THRAP3: variants seen among roughly 807,000 people sequenced by gnomAD.
THRAP3 encodes thyroid hormone receptor associated protein 3.
THRAP3 carries 16 observed loss-of-function variants against 101.0 expected under a neutral mutation model. That is an observed-to-expected ratio of 0.16 (90% confidence interval 0.11 to 0.24). THRAP3 has a LOEUF of 0.24. THRAP3 is among the 10% of genes least tolerant of loss of function. The probability of loss-of-function intolerance (pLI) is 1.00; values close to 1 mark genes in which losing one functional copy is unlikely to be tolerated. For synonymous variants in THRAP3, 407 were observed against 422.6 expected (o/e 0.96, Z 0.45); for missense variants, 989 against 1,202.7 (o/e 0.82, Z 2.63).
the THRAP3 span, among the ~76,000 whole-genome samples, chr1:36,210,032 A>G: frequency 2.0e-5 from 3 of 152,288 alleles, no homozygotes; most frequent in African/African-American, 4.8e-5. Flanking sequence ...TGGTCCATAC[A>G]CTGGTTTTTT....
chr1:36,253,570 A>G (rs1241453937), intron 1 of THRAP3, among the ~76,000 whole-genome samples: 1 of 152,044 alleles, frequency 6.6e-6, no homozygotes, highest in Non-Finnish European at 1.5e-5. Context: ...TGTGTTTCCC[A>G]TAGAAGTGCT....
Position 36,296,746 on chromosome 1 carries a change from C to T in THRAP3, c.2279C>T (p.Thr760Ile). The change falls in exon 9 of 12, where the codon ACT (threonine) becomes ATT (isoleucine). Residue 760 changes from threonine (T) to isoleucine (I), a missense_variant. Coordinates refer to ENST00000354618, the MANE Select transcript of THRAP3 (RefSeq NM_005119.4). ...RERSAEKTEK[T>I]HKGSKKQKKH... ...AGGTCAGCTGAAAAAACAGAGAAAA[C>T]TCATAAAGGATCAAAGAAACAGAAG... 2 of 1,595,682 alleles carry T rather than the reference C, an allele frequency of 1.3e-6. No homozygotes were observed. The highest frequency in any genetic ancestry group is 2.2e-5 in the East Asian group (1 of 44,676).
intron 1 of THRAP3, among the ~76,000 whole-genome samples, chr1:36,241,136 G>A (rs1470823259): frequency 6.6e-6 from 1 of 151,272 alleles, no homozygotes; most frequent in Non-Finnish European, 1.5e-5. Context: ...GAACCCAGGA[G>A]GCGGAGCTTG....
At chr1:36,292,766 A>G in intron 7 of THRAP3, 57 bp downstream of exon 7, 1 of 1,325,364 alleles carries the variant, frequency 7.5e-7, no homozygotes, top group Non-Finnish European at 1.1e-6. Flanking sequence ...ATCAGACATT[A>G]AACTCACCTT....
At chr1:36,297,859 A>G (rs1391515054) in intron 9 of THRAP3, among the ~76,000 whole-genome samples, 1 of 151,084 alleles carries the variant, frequency 6.6e-6, no homozygotes, top group Non-Finnish European at 1.5e-5. Context: ...TACGATCACA[A>G]GTATTGGCCG....
At chr1:36,231,147 A>C (rs1459048288) in intron 1 of THRAP3, among the ~76,000 whole-genome samples, 1 of 151,704 alleles carries the variant, frequency 6.6e-6, no homozygotes, top group African/African-American at 2.4e-5. Context: ...TTACATTATC[A>C]TTGACCTTTT....
chr1:36,212,418 CT>C, the THRAP3 span, among the ~76,000 whole-genome samples: 5,844 of 121,964 alleles, frequency 0.048, 98 homozygotes, highest in Middle Eastern at 0.13. Flanking sequence ...TTCTTTCTTT[CT>C]TTTTTTTTTT....
At chr1:36,260,313 T>A (rs1344187955) in intron 2 of THRAP3, among the ~76,000 whole-genome samples, 1 of 152,054 alleles carries the variant, frequency 6.6e-6, no homozygotes, top group Non-Finnish European at 1.5e-5. Flanking sequence ...GACCATCAGC[T>A]CCCTAGGGCT....
intron 2 of THRAP3, among the ~76,000 whole-genome samples, chr1:36,281,538 A>G (rs1570320015): frequency 6.8e-6 from 1 of 147,542 alleles, no homozygotes; most frequent in Non-Finnish European, 1.5e-5. Flanking sequence ...ATTCCTTTTG[A>G]TGAAAGAGCA....
intron 2 of THRAP3, among the ~76,000 whole-genome samples, chr1:36,267,163 C>T (rs758301037): frequency 3.9e-5 from 6 of 152,082 alleles, no homozygotes; most frequent in African/African-American, 1.4e-4. Context: ...GTATTACAGG[C>T]GTGAGCCACC....
chr1:36,224,026 G>A (rs535100237), upstream of THRAP3, among the ~76,000 whole-genome samples: 2 of 152,286 alleles, frequency 1.3e-5, no homozygotes, highest in East Asian at 3.9e-4. Flanking sequence ...AAAGCGGAAG[G>A]GAGCGCAGCA....
At position 36,305,101 on chromosome 1, in the gene THRAP3, C is replaced by T. The variant is rs1324138823; in HGVS notation, c.*1084C>T. On this transcript the variant is annotated 3_prime_UTR_variant, in exon 12 of 12. Transcript: ENST00000354618. ...CATCCTCTTAAAATGGGTCCTTGTGCTTGCCTTCTGGGGAGGCGGTCCTGA... is the reference window on the plus strand; with the variant it reads ...CATCCTCTTAAAATGGGTCCTTGTGTTTGCCTTCTGGGGAGGCGGTCCTGA... The T allele has an allele frequency of 4.7e-6, 1 of 211,814 alleles. No homozygotes were observed. Among genetic ancestry groups the T allele is most frequent in the Non-Finnish European group, 9.6e-6 (1 of 104,666 alleles). The allele number at this position is 211,814 out of a possible 1,614,324, so 13.1% of individuals were successfully genotyped here.
chr1:36,220,972 A>AAAAAATATAT (rs1285765741), upstream of THRAP3, among the ~76,000 whole-genome samples: 1 of 94,144 alleles, frequency 1.1e-5, no homozygotes, highest in African/African-American at 4.7e-5. Flanking sequence ...AAAAAAAAAA[A>AAAAAATATAT]ATATATATAT....
intron 1 of THRAP3, among the ~76,000 whole-genome samples, chr1:36,251,518 C>T (rs1389731345): frequency 6.6e-6 from 1 of 152,184 alleles, no homozygotes; most frequent in African/African-American, 2.4e-5. Context: ...ACTCATTCAA[C>T]CTGGAATTAG....
intron 1 of THRAP3, among the ~76,000 whole-genome samples, chr1:36,253,734 C>G (rs1195988831): frequency 7.3e-6 from 1 of 137,628 alleles, no homozygotes; most frequent in Non-Finnish European, 1.6e-5. Flanking sequence ...GCTGGGACCA[C>G]AGGCGTACAC....
At chr1:36,245,493 C>T (rs1645220313) in intron 1 of THRAP3, among the ~76,000 whole-genome samples, 1 of 152,082 alleles carries the variant, frequency 6.6e-6, no homozygotes. Flanking sequence ...TACAGGTAAA[C>T]AAACTCCTTA....
chr1:36,252,496 C>T (rs1645314997), intron 1 of THRAP3, among the ~76,000 whole-genome samples: 2 of 152,172 alleles, frequency 1.3e-5, no homozygotes. Context: ...GGGTTGATAA[C>T]CTTTCCAAAG....
In THRAP3 at chr1:36,295,954, C is replaced by CTTT. The variant is rs575028397; in HGVS notation, c.2116-594_2116-592dup. ...CCAGAGCTAATTTTAGCCTTCTCAA[C>CTTT]TTTTTTTTTTTTTTTTTTTTTTTTT... On this transcript the variant is annotated intron_variant, in intron 8 of 11. Coordinates refer to ENST00000354618, the MANE Select transcript of THRAP3 (RefSeq NM_005119.4). Among the ~76,000 whole-genome samples the CTTT allele has an allele frequency of 2.0e-3, 123 of 60,494 alleles. 19 individuals carry two copies. Among genetic ancestry groups the CTTT allele is most frequent in the East Asian group, 7.9e-3 (8 of 1,010 alleles). The allele number at this position is 60,494 out of a possible 152,430, so 39.7% of individuals were successfully genotyped here. A position where few individuals can be genotyped will look rare whatever the true frequency, so the allele number is the denominator to read the frequency against.
the THRAP3 span, among the ~76,000 whole-genome samples, chr1:36,212,928 T>C: frequency 3.1e-4 from 47 of 152,236 alleles, 1 homozygote; most frequent in East Asian, 8.9e-3. Flanking sequence ...ACTGATGAGA[T>C]AGGCCTTTGA....
Sources: gnomAD v4.1 joint callset for allele counts (sites outside exome capture counted in the v4.1 genomes callset) on GRCh38, gnomAD v4.1.1 for gene constraint, MANE v1.5 for transcripts, NCBI Gene and HGNC (gene_info 2026-07-23, HGNC 2026-07-21) for gene names.